The following CCDC34 variants were observed in gnomAD, a reference collection of about 807,000 sequenced individuals.
The protein encoded by CCDC34 is coiled-coil domain containing 34.
In CCDC34, 40 loss-of-function variants were observed where a neutral mutation model predicts 44.1. That is an observed-to-expected ratio of 0.91 (90% confidence interval 0.70 to 1.18). CCDC34 has a LOEUF of 1.18. CCDC34 is among the 50% of genes most tolerant of loss of function. The probability of loss-of-function intolerance (pLI) is 0.00; values close to 1 mark genes in which losing one functional copy is unlikely to be tolerated. For synonymous variants in CCDC34, 159 were observed against 158.2 expected (o/e 1.01, Z -0.04); for missense variants, 466 against 452.3 (o/e 1.03, Z -0.28).
In CCDC34 at chr11:27,340,684, A is replaced by G; in HGVS notation, c.907+12T>C. On this transcript the variant is annotated intron_variant, in intron 5 of 5. Coordinates refer to ENST00000328697, the MANE Select transcript of CCDC34 (RefSeq NM_030771.2). Reference sequence around the variant, plus strand: ...ACCATATTTATGTAAGCCACACAACATAAAAACCAACCTGTAAGTTTTCCA... The same window carrying G: ...ACCATATTTATGTAAGCCACACAACGTAAAAACCAACCTGTAAGTTTTCCA... 6.2e-7 allele frequency: 1 copy of G among 1,605,194 alleles called. No homozygotes were observed. The highest frequency in any genetic ancestry group is 8.5e-7 in the Non-Finnish European group (1 of 1,176,782).
In CCDC34 at chr11:27,362,906, C is replaced by T; in HGVS notation, c.289G>A (p.Asp97Asn). Residue 97 changes from aspartate to asparagine, a missense_variant, in exon 1 of 6, where the codon GAT becomes AAT. Physicochemically the swap from Asp to Asn is conservative, Grantham distance 23. Transcript: ENST00000328697. ...GCCTCTGAATCATGGGCATCTTCAT[C>T]CACGTCTTCCTCATCATCCACGTCT... ...EEDVDDEEDV[D>N]EDAHDSEAKV... 1 of 1,592,056 alleles carries T rather than the reference C, an allele frequency of 6.3e-7. No individual in the cohort carries two copies.
At chr11:27,343,273 A>G (rs569458217) in intron 3 of CCDC34, among the ~76,000 whole-genome samples, 5 of 152,168 alleles carry the variant, frequency 3.3e-5, no homozygotes, top group Non-Finnish European at 2.9e-5. Context: ...GTGGTGGCAT[A>G]CGCCTGTAAT....
intron 3 of CCDC34, among the ~76,000 whole-genome samples, chr11:27,346,146 T>G (rs1016242633): frequency 2.6e-5 from 4 of 152,014 alleles, no homozygotes; most frequent in African/African-American, 9.7e-5. Context: ...TGCTTCTTCT[T>G]GTTAGTGAAA....
intron 5 of CCDC34, among the ~76,000 whole-genome samples, chr11:27,339,239 A>C (rs1330373311): frequency 6.6e-6 from 1 of 152,208 alleles, no homozygotes; most frequent in Non-Finnish European, 1.5e-5. Flanking sequence ...AGTTAAAATT[A>C]AAGCATAAAT....
chr11:27,357,375 A>G (rs1178830593), intron 2 of CCDC34, 28 bp downstream of exon 2: 1 of 1,593,532 alleles, frequency 6.3e-7, no homozygotes, highest in Non-Finnish European at 8.6e-7. Flanking sequence ...CTCACAGATT[A>G]AATAAAAAGA....
At chr11:27,342,349 G>GTATA (rs4032238) in intron 3 of CCDC34, among the ~76,000 whole-genome samples, 35 of 143,752 alleles carry the variant, frequency 2.4e-4, no homozygotes, top group Non-Finnish European at 4.8e-4. Flanking sequence ...ATAAATATAT[G>GTATA]TATATATATG....
chr11:27,353,691 A>C (rs1320783590), intron 2 of CCDC34, among the ~76,000 whole-genome samples: 1 of 152,168 alleles, frequency 6.6e-6, no homozygotes, highest in Non-Finnish European at 1.5e-5. Context: ...GCTCAAATCA[A>C]ATTTATGAGT....
intron 4 of CCDC34, 89 bp downstream of exon 4, chr11:27,341,303 A>G: frequency 1.3e-6 from 1 of 799,148 alleles, no homozygotes; most frequent in Non-Finnish European, 1.9e-6. Context: ...GATAGTGCCA[A>G]TTTTCTATTA....
chr11:27,363,160 G>A lies in CCDC34; in HGVS notation c.35C>T (p.Pro12Leu). 1.3e-6 allele frequency: 2 copies of A among 1,504,230 alleles called. No individual in the cohort carries two copies. The highest frequency in any genetic ancestry group is 1.4e-5 in the African/African-American group (1 of 71,506). 93.2% of individuals were successfully genotyped at this position (1,504,230 alleles called of 1,614,324 possible). A position where few individuals can be genotyped will look rare whatever the true frequency, so the allele number is the denominator to read the frequency against. Residue 12 changes from proline (P) to leucine (L), a missense_variant, in exon 1 of 6, where the codon CCC becomes CTC. Transcript: ENST00000328697. ...WAAGRWGPTF[P>L]SSYAGFSADC... is the part of the protein sequence containing the mutation. Reference sequence around the variant, plus strand: ...AGCAGAGAAACCGGCGTAGGAAGAGGGAAAAGTAGGCCCCCAGCGCCCCGC... The same window carrying A: ...AGCAGAGAAACCGGCGTAGGAAGAGAGAAAAGTAGGCCCCCAGCGCCCCGC...
At chr11:27,340,559 T>A in intron 5 of CCDC34, 137 bp downstream of exon 5, 1 of 843,616 alleles carries the variant, frequency 1.2e-6, no homozygotes, top group Non-Finnish European at 1.7e-6. Flanking sequence ...GAACATGACA[T>A]GTTTATAATA....
intron 2 of CCDC34, among the ~76,000 whole-genome samples, chr11:27,353,908 T>G (rs866491721): frequency 2.1e-4 from 32 of 152,360 alleles, no homozygotes; most frequent in South Asian, 2.1e-4. Flanking sequence ...GGACGAAGCC[T>G]TGGCAAAATT....
chr11:27,362,535 T>C (rs917384538), intron 1 of CCDC34, among the ~76,000 whole-genome samples: 20 of 152,166 alleles, frequency 1.3e-4, no homozygotes, highest in Non-Finnish European at 2.2e-4. Flanking sequence ...TGAGGATTCA[T>C]AGAACGCCTG....
At chr11:27,349,191 G>A (rs1177787199) in intron 3 of CCDC34, 1 of 969,656 alleles carries the variant, frequency 1.0e-6, no homozygotes, top group Non-Finnish European at 1.2e-6. Flanking sequence ...TTGTTTTATA[G>A]TTACAAATTT....
At chr11:27,347,783 G>A (rs555677971) in intron 3 of CCDC34, among the ~76,000 whole-genome samples, 2 of 152,088 alleles carry the variant, frequency 1.3e-5, no homozygotes, top group Non-Finnish European at 2.9e-5. Flanking sequence ...TCTCTGGGGT[G>A]ATGGAAATGT....
chr11:27,362,140 G>T (rs984049899), intron 1 of CCDC34, among the ~76,000 whole-genome samples: 1 of 152,212 alleles, frequency 6.6e-6, no homozygotes, highest in African/African-American at 2.4e-5. Flanking sequence ...CAATTCATGA[G>T]AGTAGAGACC....
Position 27,362,852 on chromosome 11 carries a change from A to ACTC in CCDC34, c.340_342dup (p.Glu114dup). The stretch of plus-strand genomic sequence containing the variant: ...CGGGTTTACCTGGCGCACCCCTGTA[A>ACTC]CTCCATTCCTCTCAGGCTCGCCACT... On this transcript the variant is annotated inframe_insertion, in exon 1 of 6. Transcript: ENST00000328697. 1 of 1,613,770 alleles carries ACTC rather than the reference A, an allele frequency of 6.2e-7. No individual in the cohort carries two copies. Among genetic ancestry groups the ACTC allele is most frequent in the Non-Finnish European group, 8.5e-7 (1 of 1,179,834 alleles).
At chr11:27,350,487 A>C (rs777407261) in intron 2 of CCDC34, 48 bp from the exon 3 acceptor site, 1 of 1,495,710 alleles carries the variant, frequency 6.7e-7, no homozygotes, top group South Asian at 1.3e-5. Flanking sequence ...GAAGTACCCA[A>C]ATAACATACA....
intron 1 of CCDC34, among the ~76,000 whole-genome samples, chr11:27,361,203 C>T (rs936673847): frequency 2.0e-5 from 3 of 152,186 alleles, no homozygotes; most frequent in Admixed American, 2.0e-4. Flanking sequence ...AGGAAGGCAG[C>T]CTTAGCCCTG....
intron 2 of CCDC34, among the ~76,000 whole-genome samples, chr11:27,352,990 C>A (rs946171165): frequency 1.3e-5 from 2 of 152,168 alleles, no homozygotes; most frequent in Non-Finnish European, 2.9e-5. Context: ...TCCTTCAGGA[C>A]ACAGCTGGAG....
Sources: gnomAD v4.1 joint callset for allele counts (sites outside exome capture counted in the v4.1 genomes callset) on GRCh38, gnomAD v4.1.1 for gene constraint, MANE v1.5 for transcripts, NCBI Gene and HGNC (gene_info 2026-07-23, HGNC 2026-07-21) for gene names.